Variants in CDH20 observed in about 807,000 individuals in gnomAD.
CDH20 encodes the protein cadherin-20.
Under a neutral mutation model 74.2 loss-of-function variants are expected in CDH20, and 29 were observed. That is an observed-to-expected ratio of 0.39 (90% CI 0.29 to 0.53). CDH20 has a LOEUF of 0.53. Ranked by LOEUF, CDH20 falls within the 20% of genes least tolerant of loss-of-function variation. CDH20 has a pLI of 0.69. For synonymous variants in CDH20, 469 were observed against 405.4 expected (o/e 1.16, Z -1.88); for missense variants, 988 against 1,048.3 (o/e 0.94, Z 0.79).
intron 10 of CDH20, among the ~76,000 whole-genome samples, chr18:61,548,259 TTAA>T (rs1174446949): frequency 6.6e-6 from 1 of 152,164 alleles, no homozygotes; most frequent in Non-Finnish European, 1.5e-5. Flanking sequence ...TTTTTGACAG[TTAA>T]TATTACTAAA....
At chr18:61,385,328 A>G (rs955964609) in intron 1 of CDH20, among the ~76,000 whole-genome samples, 14 of 152,196 alleles carry the variant, frequency 9.2e-5, no homozygotes, top group African/African-American at 2.9e-4. Flanking sequence ...ATTTAAACAT[A>G]GAAAAGAAAC....
intron 9 of CDH20, among the ~76,000 whole-genome samples, chr18:61,541,936 G>A (rs1913056318): frequency 6.6e-6 from 1 of 152,088 alleles, no homozygotes; most frequent in Admixed American, 6.5e-5. Flanking sequence ...CAGAGAGCAG[G>A]AGAGCGGGCC....
chr18:61,521,040 A>G (rs545552665), intron 6 of CDH20, among the ~76,000 whole-genome samples: 1 of 151,138 alleles, frequency 6.6e-6, no homozygotes, highest in South Asian at 2.1e-4. Flanking sequence ...AAATAAATTC[A>G]AAAGCTAGCA....
chr18:61,346,436 T>C (rs879463899), intron 1 of CDH20, among the ~76,000 whole-genome samples: 1 of 152,160 alleles, frequency 6.6e-6, no homozygotes, highest in Non-Finnish European at 1.5e-5. Context: ...AGTAACTGCA[T>C]TGAAAAGTCA....
intron 1 of CDH20, among the ~76,000 whole-genome samples, chr18:61,484,152 AATTTC>A (rs1342509490): frequency 6.6e-6 from 1 of 151,904 alleles, no homozygotes; most frequent in Admixed American, 6.5e-5. Flanking sequence ...TTAGCCACAT[AATTTC>A]ATTTTAAATA....
At chr18:61,548,103 T>C (rs2144409051) in intron 10 of CDH20, among the ~76,000 whole-genome samples, 1 of 152,190 alleles carries the variant, frequency 6.6e-6, no homozygotes, top group East Asian at 1.9e-4. Flanking sequence ...TATTTAGCTA[T>C]TAAGTCTGGA....
chr18:61,439,515 C>A (rs546303168), intron 1 of CDH20, among the ~76,000 whole-genome samples: 130 of 152,142 alleles, frequency 8.5e-4, no homozygotes, highest in African/African-American at 3.1e-3. Context: ...TGTTAGAGCA[C>A]TTTTCTGTGT....
intron 6 of CDH20, among the ~76,000 whole-genome samples, chr18:61,527,622 G>A (rs573786118): frequency 6.6e-6 from 1 of 152,236 alleles, no homozygotes. Flanking sequence ...CAGGAGTGAG[G>A]GGATTCCTGG....
At chr18:61,531,338 T>C (rs1383066150) in intron 7 of CDH20, among the ~76,000 whole-genome samples, 1 of 152,152 alleles carries the variant, frequency 6.6e-6, no homozygotes, top group African/African-American at 2.4e-5. Flanking sequence ...GAAAGCTGCT[T>C]TCTCATAGGC....
chr18:61,526,041 C>T (rs1224007674), intron 6 of CDH20, among the ~76,000 whole-genome samples: 3 of 140,826 alleles, frequency 2.1e-5, no homozygotes, highest in African/African-American at 8.1e-5. Flanking sequence ...GAAATCTTGG[C>T]CTCAAGCGAT....
intron 1 of CDH20, among the ~76,000 whole-genome samples, chr18:61,364,944 T>C (rs900980210): frequency 6.6e-6 from 1 of 152,378 alleles, no homozygotes; most frequent in South Asian, 2.1e-4. Context: ...ACCTCAATTT[T>C]AAGCATCTAA....
intron 7 of CDH20, among the ~76,000 whole-genome samples, chr18:61,534,486 C>G (rs906760982): frequency 1.2e-4 from 18 of 152,316 alleles, no homozygotes; most frequent in Non-Finnish European, 2.1e-4. Context: ...CCTTAGTGCC[C>G]ATCAACAGAT....
chr18:61,344,949 T>C (rs1239645987), intron 1 of CDH20, among the ~76,000 whole-genome samples: 1 of 152,208 alleles, frequency 6.6e-6, no homozygotes, highest in African/African-American at 2.4e-5. Flanking sequence ...TTGGTGAACA[T>C]TTCATAAAAC....
chr18:61,419,431 T>C (rs966847894), intron 1 of CDH20, among the ~76,000 whole-genome samples: 2 of 152,184 alleles, frequency 1.3e-5, no homozygotes, highest in Non-Finnish European at 2.9e-5. Flanking sequence ...GTATATTCAT[T>C]TGTGTACAAA....
intron 1 of CDH20, among the ~76,000 whole-genome samples, chr18:61,406,146 A>G (rs1184507622): frequency 1.3e-5 from 2 of 152,014 alleles, no homozygotes; most frequent in Non-Finnish European, 2.9e-5. Context: ...AAAATCACAG[A>G]TTTTCCTTTT....
chr18:61,543,176 C>T (rs1222585748), intron 9 of CDH20, among the ~76,000 whole-genome samples: 2 of 152,206 alleles, frequency 1.3e-5, no homozygotes, highest in African/African-American at 4.8e-5. Flanking sequence ...TACCACCACC[C>T]CCAGTTATTT....
intron 1 of CDH20, among the ~76,000 whole-genome samples, chr18:61,469,364 TACACACACACACACACACAC>T (rs35516738): frequency 4.4e-4 from 63 of 142,452 alleles, no homozygotes; most frequent in African/African-American, 1.6e-3. Flanking sequence ...TGAGAATGAA[TACACACACACACACACACAC>T]ACACACACAC....
At chr18:61,469,716 C>T (rs1910096353) in intron 1 of CDH20, among the ~76,000 whole-genome samples, 1 of 152,150 alleles carries the variant, frequency 6.6e-6, no homozygotes, top group Non-Finnish European at 1.5e-5. Flanking sequence ...AGAAAATCAC[C>T]CATGCCATTG....
At chr18:61,401,660 A>G (rs1281940523) in intron 1 of CDH20, among the ~76,000 whole-genome samples, 1 of 152,210 alleles carries the variant, frequency 6.6e-6, no homozygotes, top group Non-Finnish European at 1.5e-5. Flanking sequence ...TTGCAGACTA[A>G]TGCATATGCC....
Sources: gnomAD v4.1 joint callset for allele counts (sites outside exome capture counted in the v4.1 genomes callset) on GRCh38, gnomAD v4.1.1 for gene constraint, MANE v1.5 for transcripts, NCBI Gene and HGNC (gene_info 2026-07-23, HGNC 2026-07-21) for gene names.